Variants in HCN1 observed in about 807,000 individuals in gnomAD.
HCN1 encodes hyperpolarization activated cyclic nucleotide gated potassium channel 1, also known as potassium/sodium hyperpolarization-activated cyclic nucleotide-gated channel 1.
In HCN1, 13 loss-of-function variants were observed where a neutral mutation model predicts 78.9. The observed-to-expected ratio is 0.16, with a 90% CI of 0.11 to 0.26. HCN1 has a LOEUF of 0.26. Ranked by LOEUF, HCN1 falls within the 10% of genes least tolerant of loss-of-function variation. The pLI is 1.00. For synonymous variants in HCN1, 552 were observed against 455.5 expected, an observed-to-expected ratio of 1.21 and a Z score of -2.70; for missense variants, 810 against 1,154.3, an observed-to-expected ratio of 0.70 and a Z score of 4.32.
chr5:45,693,560 C>G (rs1212743883), intron 1 of HCN1, among the ~76,000 whole-genome samples: 4 of 152,012 alleles, frequency 2.6e-5, no homozygotes, highest in African/African-American at 9.7e-5. Context: ...AAAATTAAAT[C>G]ATCACCTGAT....
At chr5:45,267,359 A>G (rs900777677) in intron 6 of HCN1, 106 bp from the exon 7 acceptor site, 1 of 950,072 alleles carries the variant, frequency 1.1e-6, no homozygotes, top group Admixed American at 2.2e-5. Context: ...TGAAAAAACA[A>G]TTATTAGCAG....
At chr5:45,552,163 A>T (rs1743382939) in intron 2 of HCN1, among the ~76,000 whole-genome samples, 1 of 151,932 alleles carries the variant, frequency 6.6e-6, no homozygotes, top group African/African-American at 2.4e-5. Flanking sequence ...GTCTATAAAT[A>T]ACATCTTTGG....
In HCN1 at chr5:45,584,550, G is replaced by T. The variant is rs533225327; in HGVS notation, c.849+60635C>A. Among the ~76,000 whole-genome samples, 8 of 152,214 alleles carry T rather than the reference G, an allele frequency of 5.3e-5. No individual in the cohort carries two copies. In the South Asian group the frequency reaches 1.7e-3, roughly 32 times the overall value. On this transcript the variant is annotated intron_variant, in intron 2 of 7. Transcript: ENST00000303230. ...TTACATTTAAGGTTAATATTGTTAT[G>T]TGTGAATTTGATCCTGTCATTATAA...
intron 5 of HCN1, among the ~76,000 whole-genome samples, chr5:45,326,979 A>C (rs1012456446): frequency 6.6e-6 from 1 of 151,702 alleles, no homozygotes; most frequent in Non-Finnish European, 1.5e-5. Context: ...AAAATATAGA[A>C]GCAGACAAAA....
At chr5:45,606,459 G>A (rs922502666) in intron 2 of HCN1, among the ~76,000 whole-genome samples, 1 of 152,016 alleles carries the variant, frequency 6.6e-6, no homozygotes, top group African/African-American at 2.4e-5. Flanking sequence ...AGCTCTAGGG[G>A]CTTAGAATAT....
intron 3 of HCN1, among the ~76,000 whole-genome samples, chr5:45,405,853 G>A (rs1198996932): frequency 6.6e-6 from 1 of 152,148 alleles, no homozygotes; most frequent in African/African-American, 2.4e-5. Context: ...GCCATGAAGA[G>A]TGATGTCTGA....
intron 5 of HCN1, among the ~76,000 whole-genome samples, chr5:45,304,531 C>A (rs1262396830): frequency 1.3e-5 from 2 of 151,942 alleles, no homozygotes; most frequent in East Asian, 3.9e-4. Context: ...CAAAAATTAG[C>A]TGGGTGTGCT....
chr5:45,495,585 A>C (rs952697741), intron 2 of HCN1, among the ~76,000 whole-genome samples: 11 of 152,088 alleles, frequency 7.2e-5, no homozygotes, highest in South Asian at 4.2e-4. Context: ...AATTGAATAC[A>C]CTTTATTTCC....
chr5:45,379,442 G>A (rs1397484019), intron 4 of HCN1, among the ~76,000 whole-genome samples: 2 of 151,800 alleles, frequency 1.3e-5, no homozygotes. Context: ...CTTAAATTTA[G>A]TGAAAAGTTT....
intron 1 of HCN1, among the ~76,000 whole-genome samples, chr5:45,676,345 T>G (rs1746265901): frequency 1.3e-5 from 2 of 151,770 alleles, no homozygotes; most frequent in Non-Finnish European, 2.9e-5. Flanking sequence ...CATAAGCAAA[T>G]CTATATACAC....
intron 6 of HCN1, among the ~76,000 whole-genome samples, chr5:45,276,147 G>A (rs1219647657): frequency 6.6e-6 from 1 of 151,984 alleles, no homozygotes; most frequent in Non-Finnish European, 1.5e-5. Context: ...TATTTATGAG[G>A]CAAGTCTACT....
chr5:45,486,118 T>C (rs1462411659), intron 2 of HCN1, among the ~76,000 whole-genome samples: 2 of 152,172 alleles, frequency 1.3e-5, no homozygotes, highest in Non-Finnish European at 2.9e-5. Flanking sequence ...GGAGATCATG[T>C]TCTAGGCTTC....
At chr5:45,548,089 C>G (rs991477947) in intron 2 of HCN1, among the ~76,000 whole-genome samples, 1 of 151,650 alleles carries the variant, frequency 6.6e-6, no homozygotes, top group African/African-American at 2.4e-5. Context: ...TATCATAAGC[C>G]TCTACTAATT....
At chr5:45,421,177 C>G (rs1028593967) in intron 3 of HCN1, among the ~76,000 whole-genome samples, 6 of 152,120 alleles carry the variant, frequency 3.9e-5, no homozygotes, top group Non-Finnish European at 8.8e-5. Flanking sequence ...ATTCTCCTGC[C>G]TCAGCTTCCT....
intron 3 of HCN1, among the ~76,000 whole-genome samples, chr5:45,456,869 A>C (rs1295673834): frequency 6.6e-6 from 1 of 152,026 alleles, no homozygotes; most frequent in South Asian, 2.1e-4. Flanking sequence ...ATATGTTATT[A>C]ATCTTTCAAT....
At chr5:45,574,947 T>C (rs1743909400) in intron 2 of HCN1, 1 of 152,254 alleles carries the variant, frequency 6.6e-6, no homozygotes, top group Non-Finnish European at 1.5e-5. Flanking sequence ...GAAGAAAAGT[T>C]TGCAGCCAGC....
intron 2 of HCN1, among the ~76,000 whole-genome samples, chr5:45,482,245 G>T (rs1741669732): frequency 6.6e-6 from 1 of 152,154 alleles, no homozygotes; most frequent in Non-Finnish European, 1.5e-5. Context: ...TAGAAGGTAG[G>T]CAGGTTCACA....
At chr5:45,378,538 G>A (rs1747736936) in intron 4 of HCN1, among the ~76,000 whole-genome samples, 1 of 152,044 alleles carries the variant, frequency 6.6e-6, no homozygotes, top group African/African-American at 2.4e-5. Context: ...CCATGTGGAG[G>A]TTGATAAGTA....
chr5:45,387,335 T>C (rs1747944601), intron 4 of HCN1, among the ~76,000 whole-genome samples: 1 of 152,106 alleles, frequency 6.6e-6, no homozygotes, highest in African/African-American at 2.4e-5. Flanking sequence ...AATATAATTA[T>C]GTTTTATACA....
Sources: gnomAD v4.1 joint callset for allele counts (sites outside exome capture counted in the v4.1 genomes callset) on GRCh38, gnomAD v4.1.1 for gene constraint, MANE v1.5 for transcripts, NCBI Gene and HGNC (gene_info 2026-07-23, HGNC 2026-07-21) for gene names.